HK1: variants seen among roughly 807,000 people sequenced by gnomAD.
HK1 encodes hexokinase 1.
HK1 carries 28 observed loss-of-function variants against 91.6 expected under a neutral mutation model. The ratio of observed to expected loss-of-function variants is 0.31; its 90% CI spans 0.23 to 0.42. The LOEUF is 0.42. Among genes scored for constraint, HK1 ranks in the 10% least tolerant of loss-of-function variants. The pLI, the probability that HK1 is intolerant of heterozygous loss-of-function variation, is 1.00. For synonymous variants in HK1, 430 were observed against 468.1 expected, an observed-to-expected ratio of 0.92 and a Z score of 1.05; for missense variants, 770 against 1,219.8, an observed-to-expected ratio of 0.63 and a Z score of 5.49.
At chr10:69,284,870 G>A (rs1844943039) in intron 2 of HK1, among the ~76,000 whole-genome samples, 1 of 152,028 alleles carries the variant, frequency 6.6e-6, no homozygotes, top group Non-Finnish European at 1.5e-5. Flanking sequence ...AGGCTGGAGT[G>A]CAGTGACATG....
intron 7 of HK1, among the ~76,000 whole-genome samples, chr10:69,372,005 G>A (rs975159302): frequency 6.6e-6 from 1 of 152,170 alleles, no homozygotes; most frequent in Non-Finnish European, 1.5e-5. Context: ...AAAAGAAAGA[G>A]GTTTAATAAA....
intron 1 of HK1, among the ~76,000 whole-genome samples, chr10:69,280,278 AT>A (rs973432515): frequency 6.6e-6 from 1 of 151,884 alleles, no homozygotes; most frequent in Non-Finnish European, 1.5e-5. Context: ...TGCCCAGCTA[AT>A]TTTTTTGTTT....
chr10:69,300,727 T>C, intron 4 of HK1: 2 of 1,131,276 alleles, frequency 1.8e-6, no homozygotes, highest in Non-Finnish European at 2.7e-6. Flanking sequence ...ACGATGACTT[T>C]GGAGCATGGC....
chr10:69,374,343 C>T (rs1850175085), intron 7 of HK1, among the ~76,000 whole-genome samples: 1 of 152,194 alleles, frequency 6.6e-6, no homozygotes, highest in Non-Finnish European at 1.5e-5. Flanking sequence ...CTTCCTGGGC[C>T]CACCAGCAGG....
At chr10:69,358,046 T>C (rs1446141150) in intron 2 of HK1, among the ~76,000 whole-genome samples, 1 of 152,170 alleles carries the variant, frequency 6.6e-6, no homozygotes, top group African/African-American at 2.4e-5. Context: ...GATAAAGATC[T>C]TTCCCTGCCT....
chr10:69,295,506 T>G, intron 3 of HK1: 5 of 726,426 alleles, frequency 6.9e-6, no homozygotes, highest in Non-Finnish European at 1.0e-5. Context: ...TGCTTAGACA[T>G]TCCAAGGTTA....
At position 69,398,613 on chromosome 10, in the gene HK1, C is replaced by T. The variant is rs1479021765; in HGVS notation, c.2394C>T (p.Leu798=). 2.5e-6 allele frequency: 4 copies of T among 1,613,738 alleles called. No individual in the cohort carries two copies. Among genetic ancestry groups the T allele is most frequent in the South Asian group, 2.2e-5 (2 of 91,020 alleles). ...SQIESDRLAL[L]QVRAILQQLG... is the part of the protein sequence containing the mutation. The stretch of plus-strand genomic sequence containing the variant: ...CCCACAGTGACCGATTAGCACTGCT[C>T]CAGGTCCGGGCTATCCTCCAGCAGC... Residue 798 remains leucine (L), a synonymous_variant, in exon 17 of 18, where the codon CTC becomes CTT. Transcript: ENST00000359426.
At position 69,295,773 on chromosome 10, in the gene HK1, C is replaced by T. The variant is rs995112666; in HGVS notation, c.-67+93C>T. 3 of 854,306 alleles carry T rather than the reference C, an allele frequency of 3.5e-6. No homozygotes were observed. In the African/African-American group the frequency reaches 5.0e-5, roughly 14 times the overall value. The allele number at this position is 854,306 out of a possible 1,614,324, so 52.9% of individuals were successfully genotyped here. A position where few individuals can be genotyped will look rare whatever the true frequency, so the allele number is the denominator to read the frequency against. On this transcript the variant is annotated intron_variant, in intron 4 of 21. Transcript: ENST00000360289. ...CCCCTTTGGGATAATGATTTTCAGCCAGCCAAGCAGCTGTGCAGTGGCTTC... is the reference window on the plus strand; with the variant it reads ...CCCCTTTGGGATAATGATTTTCAGCTAGCCAAGCAGCTGTGCAGTGGCTTC...
chr10:69,354,511 C>T (rs745365549), intron 2 of HK1, among the ~76,000 whole-genome samples: 33 of 152,138 alleles, frequency 2.2e-4, no homozygotes, highest in Non-Finnish European at 2.6e-4. Flanking sequence ...CTCACTATCA[C>T]GAGAACAGCA....
intron 2 of HK1, among the ~76,000 whole-genome samples, chr10:69,347,025 ATT>A (rs1387826298): frequency 2.0e-5 from 3 of 151,394 alleles, no homozygotes; most frequent in East Asian, 3.9e-4. Flanking sequence ...AGATACTTAC[ATT>A]TCCTCTTTTC....
At chr10:69,368,452 T>G (rs1233866364) in intron 4 of HK1, 84 bp from the exon 5 acceptor site, 2 of 1,217,520 alleles carry the variant, frequency 1.6e-6, no homozygotes, top group Non-Finnish European at 2.4e-6. Flanking sequence ...TTCTGCTTCA[T>G]CCCTGTCCTG....
rs1166395800 is a variant in HK1, at chr10:69,300,512, G to A, written c.-66-257G>A. The A allele has an allele frequency of 9.2e-6, 7 of 764,816 alleles. No individual in the cohort carries two copies. The East Asian group carries it at 1.1e-4, about 11-fold the overall frequency. 47.4% of individuals were successfully genotyped at this position (764,816 alleles called of 1,614,324 possible). On this transcript the variant is annotated intron_variant, in intron 4 of 21. Coordinates refer to the HK1 transcript ENST00000360289. Reference sequence around the variant, plus strand: ...TCCATGATGCCAGCTGAGACTGTCAGTACAATGAAATCAAACTGGCCAGAT... The same window carrying A: ...TCCATGATGCCAGCTGAGACTGTCAATACAATGAAATCAAACTGGCCAGAT...
In HK1 at chr10:69,369,206, T is replaced by G; in HGVS notation, c.592-31T>G. Reference sequence around the variant, plus strand: ...TGTGATCTCTGCTCCCATGTGTGAGTGGACAATGACACCCCGTTATCTGTC... The same window carrying G: ...TGTGATCTCTGCTCCCATGTGTGAGGGGACAATGACACCCCGTTATCTGTC... On this transcript the variant is annotated intron_variant, in intron 5 of 17. Transcript: ENST00000359426. This position sits in a 1 kb window ranked among gnomAD's most constrained non-coding sequence, Gnocchi z 4.4. 2 of 1,517,832 alleles carry G rather than the reference T, an allele frequency of 1.3e-6. No homozygotes were observed. The highest frequency in any genetic ancestry group is 1.7e-4 in the Middle Eastern group (1 of 5,816). 94.0% of individuals were successfully genotyped at this position (1,517,832 alleles called of 1,614,324 possible). A position where few individuals can be genotyped will look rare whatever the true frequency, so the allele number is the denominator to read the frequency against.
intron 15 of HK1, among the ~76,000 whole-genome samples, chr10:69,392,671 T>C (rs1313811112): frequency 6.6e-6 from 1 of 152,188 alleles, no homozygotes; most frequent in African/African-American, 2.4e-5. Context: ...AGAGGCCCTG[T>C]CGCAATCGTC....
At chr10:69,386,504 C>A in intron 13 of HK1, 86 bp downstream of exon 13, 1 of 1,121,122 alleles carries the variant, frequency 8.9e-7, no homozygotes, top group Non-Finnish European at 1.3e-6. Flanking sequence ...AGAATTCAGG[C>A]CAGGCGTGGT....
At chr10:69,338,514 G>A (rs1848113967) in intron 1 of HK1, 1 of 1,289,574 alleles carries the variant, frequency 7.8e-7, no homozygotes, top group Non-Finnish European at 1.0e-6. Flanking sequence ...CACAGACCGA[G>A]GCTTGCAGTG....
intron 7 of HK1, among the ~76,000 whole-genome samples, chr10:69,375,274 T>G (rs1839035456): frequency 6.6e-6 from 1 of 152,234 alleles, no homozygotes; most frequent in Non-Finnish European, 1.5e-5. Flanking sequence ...ATCTGACCTA[T>G]ATTAACCCAT....
chr10:69,323,450 A>G (rs1165330047), intron 1 of HK1, among the ~76,000 whole-genome samples: 2 of 151,408 alleles, frequency 1.3e-5, no homozygotes, highest in Non-Finnish European at 2.9e-5. Flanking sequence ...ATTGATCCCA[A>G]AACAGTGAGC....
intron 2 of HK1, among the ~76,000 whole-genome samples, chr10:69,354,649 T>TTGAATGAA (rs34767665): frequency 6.6e-6 from 1 of 151,258 alleles, no homozygotes; most frequent in Admixed American, 6.6e-5. Context: ...ATCAGGTGCC[T>TTGAATGAA]TGAATGAATG....
Sources: gnomAD v4.1 joint callset for allele counts (sites outside exome capture counted in the v4.1 genomes callset) on GRCh38, gnomAD v4.1.1 for gene constraint, Gnocchi (gnomAD v3.1) non-coding constraint, MANE v1.5 for transcripts, NCBI Gene and HGNC (gene_info 2026-07-23, HGNC 2026-07-21) for gene names.